The following RAP1GDS1 variants were observed in gnomAD, a reference collection of about 807,000 sequenced individuals.
The protein encoded by RAP1GDS1 is RAP1, GTP-GDP dissociation stimulator 1.
In RAP1GDS1, 35 loss-of-function variants were observed where a neutral mutation model predicts 71.1. The observed-to-expected ratio is 0.49, with a 90% CI of 0.38 to 0.65. The LOEUF is 0.65. Among genes scored for constraint, RAP1GDS1 ranks in the 30% least tolerant of loss-of-function variants. The probability of loss-of-function intolerance (pLI) is 0.00; values close to 1 mark genes in which losing one functional copy is unlikely to be tolerated. For missense variants in RAP1GDS1, 663 were observed against 706.1 expected (o/e 0.94, Z 0.69); for synonymous variants, 229 against 243.1 (o/e 0.94, Z 0.54).
At chr4:98,416,589 A>T (rs1748061773) in intron 7 of RAP1GDS1, among the ~76,000 whole-genome samples, 156 bp from the exon 8 acceptor site, 1 of 151,666 alleles carries the variant, frequency 6.6e-6, no homozygotes, top group South Asian at 2.1e-4. Flanking sequence ...TGACCTTGTG[A>T]TCCGCCCATC....
chr4:98,282,631 C>T (rs1725315116), intron 1 of RAP1GDS1, among the ~76,000 whole-genome samples: 1 of 148,172 alleles, frequency 6.7e-6, no homozygotes, highest in Non-Finnish European at 1.5e-5. Context: ...CGGTTCTGCT[C>T]TGATCTTAGT....
At chr4:98,399,339 A>G (rs965080942) in intron 6 of RAP1GDS1, among the ~76,000 whole-genome samples, 9 of 152,186 alleles carry the variant, frequency 5.9e-5, no homozygotes, top group African/African-American at 1.2e-4. Flanking sequence ...ATTCCAGAAT[A>G]TCCAAGGAAC....
intron 11 of RAP1GDS1, among the ~76,000 whole-genome samples, chr4:98,420,760 G>T (rs561292798): frequency 6.6e-6 from 1 of 152,250 alleles, no homozygotes; most frequent in African/African-American, 2.4e-5. Context: ...GGCAGGGGGT[G>T]TTGTGTTTTG....
intron 2 of RAP1GDS1, among the ~76,000 whole-genome samples, chr4:98,331,823 T>C (rs1560852393): frequency 6.6e-6 from 1 of 152,182 alleles, no homozygotes; most frequent in Non-Finnish European, 1.5e-5. Flanking sequence ...CTGCCAAAGA[T>C]GTCAAAAGGT....
At chr4:98,400,007 G>A (rs772226823) in intron 6 of RAP1GDS1, among the ~76,000 whole-genome samples, 8 of 152,034 alleles carry the variant, frequency 5.3e-5, no homozygotes, top group Non-Finnish European at 1.2e-4. Context: ...TTAAAAATTA[G>A]CCTGGCATGG....
chr4:98,428,581 C>T (rs988893000), intron 12 of RAP1GDS1, among the ~76,000 whole-genome samples: 3 of 152,080 alleles, frequency 2.0e-5, no homozygotes, highest in African/African-American at 7.2e-5. Flanking sequence ...AAATGGCCAA[C>T]TTATGAAAAA....
At chr4:98,308,931 T>C (rs1729797503) in intron 2 of RAP1GDS1, among the ~76,000 whole-genome samples, 1 of 152,120 alleles carries the variant, frequency 6.6e-6, no homozygotes, top group South Asian at 2.1e-4. Context: ...ACCAGAAAAT[T>C]GTTTACACTT....
intron 4 of RAP1GDS1, among the ~76,000 whole-genome samples, chr4:98,366,361 C>T (rs1428148107): frequency 3.3e-5 from 5 of 152,142 alleles, no homozygotes; most frequent in African/African-American, 7.2e-5. Context: ...TTCCCAACCA[C>T]GTGGAACTGT....
At chr4:98,304,797 G>A (rs568764162) in intron 2 of RAP1GDS1, among the ~76,000 whole-genome samples, 5 of 152,184 alleles carry the variant, frequency 3.3e-5, no homozygotes, top group Admixed American at 1.3e-4. Context: ...ATGTTGCGTA[G>A]ATTTTCTTCT....
intron 4 of RAP1GDS1, among the ~76,000 whole-genome samples, chr4:98,367,736 C>A (rs1465853516): frequency 1.4e-4 from 21 of 152,206 alleles, no homozygotes; most frequent in Admixed American, 1.4e-3. Flanking sequence ...GGATTTCAGA[C>A]TTGCATGCAG....
At chr4:98,440,865 G>T (rs1178181408) in intron 14 of RAP1GDS1, among the ~76,000 whole-genome samples, 1 of 152,128 alleles carries the variant, frequency 6.6e-6, no homozygotes, top group Non-Finnish European at 1.5e-5. Context: ...TTATAGGCAT[G>T]CACCACCTGT....
chr4:98,298,032 C>G (rs1728037356), intron 2 of RAP1GDS1, among the ~76,000 whole-genome samples: 2 of 152,140 alleles, frequency 1.3e-5, no homozygotes, highest in South Asian at 2.1e-4. Flanking sequence ...TTTGAGCGCT[C>G]TGGTTAGAGG....
At position 98,352,465 on chromosome 4, in the gene RAP1GDS1, CTT is replaced by C. The variant is rs1366371739; in HGVS notation, c.236-10_236-9del. On this transcript the variant is annotated splice_polypyrimidine_tract_variant and intron_variant, in intron 3 of 14. Transcript: ENST00000408927. ...GTTAGATTTTTAATTAAACATGTCT[CTT>C]ATTTTCAGAGTTTATGCGAATTCCA... 1.2e-6 allele frequency: 2 copies of C among 1,611,560 alleles called. No homozygotes were observed. Among genetic ancestry groups the C allele is most frequent in the Non-Finnish European group, 1.7e-6 (2 of 1,178,420 alleles).
chr4:98,403,885 T>C (rs1317545551), intron 6 of RAP1GDS1, among the ~76,000 whole-genome samples: 3 of 152,168 alleles, frequency 2.0e-5, no homozygotes, highest in African/African-American at 7.2e-5. Context: ...CAGAAACTTA[T>C]TTGTAAAAGC....
intron 12 of RAP1GDS1, among the ~76,000 whole-genome samples, chr4:98,431,439 T>C (rs952626626): frequency 6.6e-6 from 1 of 152,228 alleles, no homozygotes; most frequent in Non-Finnish European, 1.5e-5. Context: ...AAATGCTAAA[T>C]AGATGAAATT....
chr4:98,364,925 A>T (rs1739255957), intron 4 of RAP1GDS1, among the ~76,000 whole-genome samples: 1 of 152,106 alleles, frequency 6.6e-6, no homozygotes, highest in Admixed American at 6.5e-5. Flanking sequence ...GCTACTCCAG[A>T]GGCTGAGACT....
At chr4:98,369,840 A>T (rs139582531) in intron 4 of RAP1GDS1, among the ~76,000 whole-genome samples, 1 of 152,292 alleles carries the variant, frequency 6.6e-6, no homozygotes, top group Non-Finnish European at 1.5e-5. Context: ...AGTTTATTTT[A>T]CCTACATTTT....
intron 14 of RAP1GDS1, 27 bp from the exon 15 acceptor site, chr4:98,441,963 C>A: frequency 6.2e-7 from 1 of 1,610,496 alleles, no homozygotes; most frequent in South Asian, 1.1e-5. Flanking sequence ...CTAACAGAAT[C>A]ATATCTGTTA....
chr4:98,278,951 G>A (rs559975669), intron 1 of RAP1GDS1, among the ~76,000 whole-genome samples: 1 of 152,150 alleles, frequency 6.6e-6, no homozygotes, highest in African/African-American at 2.4e-5. Context: ...GGCCGGGCGC[G>A]GTGGCTCACG....
Sources: allele counts gnomAD v4.1 joint callset (sites outside exome capture counted in the v4.1 genomes callset), GRCh38; gene constraint gnomAD v4.1.1; transcripts MANE v1.5; gene names NCBI Gene and HGNC (gene_info 2026-07-23, HGNC 2026-07-21).